SEMA4D: variants seen among roughly 807,000 people sequenced by gnomAD.
SEMA4D encodes semaphorin 4D, also known as semaphorin-4D.
In SEMA4D, 22 loss-of-function variants were observed where a neutral mutation model predicts 74.8. The ratio of observed to expected loss-of-function variants is 0.29; its 90% confidence interval spans 0.21 to 0.42. The LOEUF is 0.42. Ranked by LOEUF, SEMA4D falls within the 10% of genes least tolerant of loss-of-function variation. The pLI, the probability that SEMA4D is intolerant of heterozygous loss-of-function variation, is 1.00. For synonymous variants in SEMA4D, 445 were observed against 463.7 expected (o/e 0.96, Z 0.52); for missense variants, 937 against 1,118.4 (o/e 0.84, Z 2.31).
chr9:89,402,675 A>AT (rs1376585085), intron 4 of SEMA4D, among the ~76,000 whole-genome samples, 196 bp downstream of exon 4: 1 of 74,458 alleles, frequency 1.3e-5, no homozygotes, highest in Non-Finnish European at 4.4e-5. Flanking sequence ...TTTCATAATA[A>AT]AAAGTTCAAA....
intron 2 of SEMA4D, among the ~76,000 whole-genome samples, chr9:89,440,995 C>A (rs946495842): frequency 2.0e-5 from 3 of 152,226 alleles, no homozygotes; most frequent in Non-Finnish European, 4.4e-5. Flanking sequence ...CTTGACTGAT[C>A]AGAGCTCCTG....
downstream of SEMA4D, among the ~76,000 whole-genome samples, chr9:89,375,447 G>A (rs1401398446): frequency 6.6e-6 from 1 of 152,196 alleles, no homozygotes; most frequent in Admixed American, 6.5e-5. Flanking sequence ...GTCCAGTGCT[G>A]GCTGCCAAGG....
chr9:89,477,255 T>TACACAC lies in SEMA4D; in HGVS notation c.-310+20658_-310+20663dup, dbSNP rs61454447. Reference sequence around the variant, plus strand: ...CATATATGCACAAGGTACATGCACGTACACACACACACACACAAATGCTCA... The same window carrying TACACAC: ...CATATATGCACAAGGTACATGCACGTACACACACACACACACACACACAAATGCTCA... On this transcript the variant is annotated intron_variant, in intron 1 of 15. Coordinates refer to ENST00000422704, the MANE Select transcript of SEMA4D (RefSeq NM_001371194.2). Among the ~76,000 whole-genome samples, 46 of 148,490 alleles carry TACACAC rather than the reference T, an allele frequency of 3.1e-4. No homozygotes were observed. The East Asian group carries it at 7.4e-3, about 24-fold the overall frequency.
At chr9:89,422,614 C>A (rs796554361) in intron 2 of SEMA4D, among the ~76,000 whole-genome samples, 2 of 152,370 alleles carry the variant, frequency 1.3e-5, no homozygotes, top group African/African-American at 4.8e-5. Context: ...CCCTCAGCAG[C>A]CTGTCACGGC....
At chr9:89,386,567 T>A (rs1838557344) in intron 12 of SEMA4D, 85 bp from the exon 13 acceptor site, 2 of 785,002 alleles carry the variant, frequency 2.5e-6, no homozygotes, top group Non-Finnish European at 4.4e-6. Context: ...CTTCACACTC[T>A]TCACTCTCAA....
At position 89,399,334 on chromosome 9, in the gene SEMA4D, T is replaced by A. The variant is rs1444269023; in HGVS notation, c.257A>T (p.Tyr86Phe). 49 of 1,610,056 alleles carry A rather than the reference T, an allele frequency of 3.0e-5. No individual in the cohort carries two copies. The highest frequency in any genetic ancestry group is 3.8e-5 in the Non-Finnish European group (45 of 1,176,376). ...LNISEKQHEV[Y>F]WKVSEDKKAK... Reference sequence around the variant, plus strand: ...TTTTTTGTCTTCTGAGACCTTCCAATACACCTGTTGGGATAGAGTCCATAT... The same window carrying A: ...TTTTTTGTCTTCTGAGACCTTCCAAAACACCTGTTGGGATAGAGTCCATAT... The change falls in exon 5 of 16, where the codon TAT becomes TTT. Residue 86 changes from tyrosine to phenylalanine, a missense_variant. Coordinates refer to ENST00000422704, the MANE Select transcript of SEMA4D (RefSeq NM_001371194.2).
chr9:89,439,552 C>CA (rs1391818665), intron 2 of SEMA4D, among the ~76,000 whole-genome samples: 1 of 152,126 alleles, frequency 6.6e-6, no homozygotes. Flanking sequence ...AAAGATTTCA[C>CA]AAAAAATTAA....
intron 2 of SEMA4D, among the ~76,000 whole-genome samples, chr9:89,451,477 C>T (rs1350468442): frequency 2.0e-5 from 3 of 152,230 alleles, no homozygotes; most frequent in African/African-American, 4.8e-5. Flanking sequence ...CCATCTTACA[C>T]AAACCTGAGC....
chr9:89,465,667 T>C (rs895530967), intron 1 of SEMA4D, among the ~76,000 whole-genome samples: 3 of 152,228 alleles, frequency 2.0e-5, no homozygotes, highest in Non-Finnish European at 4.4e-5. Flanking sequence ...AATATTGACA[T>C]GAATTTCCAA....
At chr9:89,451,854 G>A (rs1236775797) in intron 2 of SEMA4D, among the ~76,000 whole-genome samples, 1 of 152,098 alleles carries the variant, frequency 6.6e-6, no homozygotes, top group Non-Finnish European at 1.5e-5. Context: ...TGTCATGCAC[G>A]CAGGTCATGA....
rs746181446 is a variant in SEMA4D at position 89,419,684 on chromosome 9, G to A, written c.-243-13985C>T. Among the ~76,000 whole-genome samples, 17 of 152,120 alleles carry A rather than the reference G, an allele frequency of 1.1e-4. No individual in the cohort carries two copies. In the East Asian group the frequency reaches 1.5e-3, roughly 14 times the overall value. Reference sequence around the variant, plus strand: ...TCCCAACACTTTAGGAGGCCGAGGCGGGTGGATCACTTGAGGTCAGGAGTT... The same window carrying A: ...TCCCAACACTTTAGGAGGCCGAGGCAGGTGGATCACTTGAGGTCAGGAGTT... On this transcript the variant is annotated intron_variant, in intron 2 of 15. Transcript: ENST00000422704.
intron 5 of SEMA4D, 93 bp from the exon 6 acceptor site, chr9:89,396,928 A>T: frequency 1.8e-6 from 2 of 1,102,358 alleles, no homozygotes; most frequent in Non-Finnish European, 2.7e-6. Flanking sequence ...AGGGGCACAG[A>T]CCCACATTCA....
intron 1 of SEMA4D, among the ~76,000 whole-genome samples, chr9:89,483,224 G>C (rs542450272): frequency 2.0e-5 from 3 of 152,222 alleles, no homozygotes; most frequent in Admixed American, 6.5e-5. Context: ...AAGACCAAGG[G>C]AGCCAGGCGG....
chr9:89,466,400 G>A (rs1858718925), intron 1 of SEMA4D, among the ~76,000 whole-genome samples: 1 of 152,016 alleles, frequency 6.6e-6, no homozygotes, highest in South Asian at 2.1e-4. Flanking sequence ...GGGCTGCCTG[G>A]GGCCTTTCCC....
At chr9:89,392,669 CA>C in intron 7 of SEMA4D, 133 bp from the exon 8 acceptor site, 1 of 637,740 alleles carries the variant, frequency 1.6e-6, no homozygotes, top group Non-Finnish European at 2.8e-6. Flanking sequence ...AAGGGAAAGA[CA>C]GTCTCCTCAA....
intron 1 of SEMA4D, among the ~76,000 whole-genome samples, chr9:89,463,167 C>T (rs780686647): frequency 5.3e-5 from 8 of 151,850 alleles, no homozygotes; most frequent in Admixed American, 2.0e-4. Flanking sequence ...CTGGGGAATA[C>T]CAGATGGGGA....
intron 2 of SEMA4D, among the ~76,000 whole-genome samples, chr9:89,424,339 A>G (rs1447714721): frequency 6.6e-6 from 1 of 152,186 alleles, no homozygotes; most frequent in East Asian, 1.9e-4. Context: ...CACAGAAACG[A>G]GCAGTGCAGG....
At chr9:89,487,424 TAAC>T (rs372609720) in intron 1 of SEMA4D, among the ~76,000 whole-genome samples, 7 of 152,120 alleles carry the variant, frequency 4.6e-5, no homozygotes, top group Middle Eastern at 3.4e-3. Context: ...ACATCATACT[TAAC>T]AACAACAACA....
At chr9:89,449,191 G>A (rs1853714883) in intron 2 of SEMA4D, among the ~76,000 whole-genome samples, 1 of 152,186 alleles carries the variant, frequency 6.6e-6, no homozygotes, top group African/African-American at 2.4e-5. Context: ...ATTTGCTAAG[G>A]CCCAGCAGGC....
Sources: gnomAD v4.1 joint callset for allele counts (sites outside exome capture counted in the v4.1 genomes callset) on GRCh38, gnomAD v4.1.1 for gene constraint, MANE v1.5 for transcripts, NCBI Gene and HGNC (gene_info 2026-07-23, HGNC 2026-07-21) for gene names.